SHB: variants seen among roughly 807,000 people sequenced by gnomAD.
SHB encodes SH2 domain-containing adapter protein B.
SHB carries 20 observed loss-of-function variants against 52.3 expected under a neutral mutation model. The ratio of observed to expected loss-of-function variants is 0.38; its 90% confidence interval spans 0.27 to 0.56. The LOEUF (loss-of-function observed/expected upper bound fraction) is 0.56. Among genes scored for constraint, SHB ranks in the 20% least tolerant of loss-of-function variants. The pLI is 0.71. For missense variants in SHB, 825 were observed against 723.3 expected (o/e 1.14, Z -1.61); for synonymous variants, 397 against 316.5 (o/e 1.25, Z -2.70).
At chr9:37,986,612 C>T (rs1587230264) in intron 2 of SHB, among the ~76,000 whole-genome samples, 1 of 152,222 alleles carries the variant, frequency 6.6e-6, no homozygotes, top group Non-Finnish European at 1.5e-5. Context: ...TAGGGCTCCA[C>T]CCTTTCAAGA....
intron 5 of SHB, among the ~76,000 whole-genome samples, chr9:37,938,228 G>A (rs917396525): frequency 1.3e-5 from 2 of 152,266 alleles, no homozygotes; most frequent in African/African-American, 2.4e-5. Context: ...AGGCTGAGAC[G>A]GGAAGTGACT....
chr9:38,007,419 G>C (rs1031912266), intron 2 of SHB, among the ~76,000 whole-genome samples: 9 of 152,246 alleles, frequency 5.9e-5, no homozygotes, highest in Non-Finnish European at 1.2e-4. Context: ...GGCAGAATCA[G>C]CTATCCCTAT....
chr9:38,003,209 G>C (rs1227142358), intron 2 of SHB, among the ~76,000 whole-genome samples: 1 of 152,046 alleles, frequency 6.6e-6, no homozygotes. Flanking sequence ...GGATGGGCGA[G>C]CCAAAGGCAT....
At chr9:38,020,821 G>A (rs908634784) in intron 1 of SHB, among the ~76,000 whole-genome samples, 6 of 152,078 alleles carry the variant, frequency 3.9e-5, no homozygotes, top group East Asian at 1.9e-4. Flanking sequence ...GTGACGGGGT[G>A]GGGGGGTGGC....
At chr9:37,951,634 C>T (rs555729238) in intron 4 of SHB, among the ~76,000 whole-genome samples, 1 of 152,376 alleles carries the variant, frequency 6.6e-6, no homozygotes, top group Non-Finnish European at 1.5e-5. Context: ...GCCTGCCATC[C>T]ACCCTCCCTG....
intron 5 of SHB, among the ~76,000 whole-genome samples, chr9:37,923,274 A>G (rs1160193730): frequency 6.6e-6 from 1 of 152,198 alleles, no homozygotes; most frequent in Non-Finnish European, 1.5e-5. Flanking sequence ...CTCCACGCTG[A>G]TCTTCCGCCT....
At chr9:37,941,479 G>C (rs1832433323) in intron 5 of SHB, among the ~76,000 whole-genome samples, 1 of 152,232 alleles carries the variant, frequency 6.6e-6, no homozygotes, top group Non-Finnish European at 1.5e-5. Context: ...CAGAGCCATT[G>C]TCTTCACCGC....
At chr9:38,034,605 G>A (rs916869227) in intron 1 of SHB, among the ~76,000 whole-genome samples, 2 of 152,198 alleles carry the variant, frequency 1.3e-5, no homozygotes, top group African/African-American at 2.4e-5. Context: ...CACAGAACAC[G>A]CCTGCATCCT....
intron 5 of SHB, among the ~76,000 whole-genome samples, chr9:37,921,311 C>A (rs960244599): frequency 6.6e-6 from 1 of 152,184 alleles, no homozygotes; most frequent in Non-Finnish European, 1.5e-5. Flanking sequence ...TCCAGCTCCG[C>A]CCCTAGCCGC....
intron 3 of SHB, among the ~76,000 whole-genome samples, chr9:37,957,045 G>A (rs1832643946): frequency 6.6e-6 from 1 of 152,222 alleles, no homozygotes; most frequent in Non-Finnish European, 1.5e-5. Context: ...TTAGCTGCGA[G>A]CCTTGGCTAC....
At chr9:37,923,938 CCTT>C (rs1170727109) in intron 5 of SHB, among the ~76,000 whole-genome samples, 2 of 152,226 alleles carry the variant, frequency 1.3e-5, no homozygotes, top group Non-Finnish European at 2.9e-5. Context: ...CTCCTCCCAC[CCTT>C]CTTCAAGGCA....
chr9:37,943,536 C>T (rs748805311), intron 5 of SHB, among the ~76,000 whole-genome samples: 8 of 152,172 alleles, frequency 5.3e-5, no homozygotes, highest in Non-Finnish European at 8.8e-5. Context: ...AATTTGCCTT[C>T]GGGGATTAGA....
At chr9:38,029,356 C>A (rs1821385233) in intron 1 of SHB, among the ~76,000 whole-genome samples, 1 of 152,196 alleles carries the variant, frequency 6.6e-6, no homozygotes. Flanking sequence ...TACTCAAGTG[C>A]TTGCCCATTT....
chr9:38,026,846 C>A (rs942003934), intron 1 of SHB, among the ~76,000 whole-genome samples: 1 of 152,186 alleles, frequency 6.6e-6, no homozygotes, highest in Non-Finnish European at 1.5e-5. Flanking sequence ...GCTGTTCAGT[C>A]CGATCACCTC....
At chr9:37,963,005 T>C (rs1832710424) in intron 3 of SHB, among the ~76,000 whole-genome samples, 1 of 152,184 alleles carries the variant, frequency 6.6e-6, no homozygotes, top group Non-Finnish European at 1.5e-5. Context: ...TGACAGGCAA[T>C]GGGTCCCAGC....
chr9:37,919,776 TC>T lies in SHB; in HGVS notation c.*44del, dbSNP rs756507100. 1 of 1,557,066 alleles carries T rather than the reference TC, an allele frequency of 6.4e-7. No individual in the cohort carries two copies. The highest frequency in any genetic ancestry group is 1.1e-5 in the South Asian group (1 of 88,598). On this transcript the variant is annotated 3_prime_UTR_variant, in exon 6 of 6. Coordinates refer to ENST00000377707, the MANE Select transcript of SHB (RefSeq NM_003028.3). ...TGGTTGGTGGGGGGCCTCTGGCACC[TC>T]CAAGTCTCAGGCTCTGTCACAGAGC...
At chr9:38,044,116 A>G (rs1280547136) in intron 1 of SHB, among the ~76,000 whole-genome samples, 1 of 152,208 alleles carries the variant, frequency 6.6e-6, no homozygotes. Flanking sequence ...ACTGGCTTCA[A>G]GGCAGGCCCT....
chr9:37,921,839 G>C (rs1471454555), intron 5 of SHB, among the ~76,000 whole-genome samples: 1 of 152,250 alleles, frequency 6.6e-6, no homozygotes, highest in East Asian at 1.9e-4. Flanking sequence ...TGCCAGTTTG[G>C]AAAGGGCTGT....
At chr9:37,988,083 T>A (rs964588860) in intron 2 of SHB, among the ~76,000 whole-genome samples, 1 of 152,208 alleles carries the variant, frequency 6.6e-6, no homozygotes, top group African/African-American at 2.4e-5. Context: ...ATGTGCCCAG[T>A]GCCCAGCACA....
Sources: gnomAD v4.1 joint callset for allele counts (sites outside exome capture counted in the v4.1 genomes callset) on GRCh38, gnomAD v4.1.1 for gene constraint, MANE v1.5 for transcripts, NCBI Gene and HGNC (gene_info 2026-07-23, HGNC 2026-07-21) for gene names.